The following NRXN2 variants were observed in gnomAD, a reference collection of about 807,000 sequenced individuals.
NRXN2 encodes the protein neurexin 2, also known as neurexin-2-beta.
A neutral mutation model predicts 128.8 loss-of-function variants in NRXN2; 29 were observed. That is an observed-to-expected ratio of 0.23 (90% confidence interval 0.17 to 0.31). The LOEUF (loss-of-function observed/expected upper bound fraction) is 0.31, where lower values mean the gene tolerates loss of function less well. Ranked by LOEUF, NRXN2 falls within the 10% of genes least tolerant of loss-of-function variation. The pLI, the probability that NRXN2 is intolerant of heterozygous loss-of-function variation, is 1.00. For synonymous variants in NRXN2, 1,098 were observed against 1,075.2 expected (o/e 1.02, Z -0.41); for missense variants, 1,881 against 2,452.6 (o/e 0.77, Z 4.92).
rs973760982 is a variant in NRXN2, at chr11:64,668,134, C to A, written c.1359+309G>T. Among the ~76,000 whole-genome samples, 3 of 152,298 alleles carry A rather than the reference C, an allele frequency of 2.0e-5. No homozygotes were observed. In the East Asian group the frequency reaches 5.8e-4, roughly 29 times the overall value. ...AAGTGACTTGACCACAGTCACAGAA[C>A]CAATGAGTGGAAGAGTTGGGACTCA... On this transcript the variant is annotated intron_variant, in intron 8 of 22. Transcript: ENST00000265459.
intron 17 of NRXN2, among the ~76,000 whole-genome samples, chr11:64,638,706 T>C (rs1455990735): frequency 6.6e-6 from 1 of 152,188 alleles, no homozygotes; most frequent in Non-Finnish European, 1.5e-5. Context: ...TTGACCTCTC[T>C]AGGAAACCAC....
At chr11:64,626,210 C>T (rs906707516) in intron 20 of NRXN2, among the ~76,000 whole-genome samples, 96 of 152,092 alleles carry the variant, frequency 6.3e-4, no homozygotes, top group African/African-American at 2.2e-3. Context: ...CTAGTTGATC[C>T]CAGGTTTAAA....
At position 64,667,318 on chromosome 11, in the gene NRXN2, C is replaced by G; in HGVS notation, c.1730G>C (p.Arg577Pro). 1 of 1,614,226 alleles carries G rather than the reference C, an allele frequency of 6.2e-7. No homozygotes were observed. The highest frequency in any genetic ancestry group is 2.2e-5 in the East Asian group (1 of 44,884). Residue 577 changes from arginine (R) to proline (P), a missense_variant, in exon 9 of 23, where the codon CGG (arginine) becomes CCG (proline). Arg to Pro is a moderately radical substitution (Grantham distance 103). This residue lies in a region of NRXN2 where 997 missense variants were observed against 1,240.8 expected (regional missense o/e 0.80). Transcript: ENST00000265459. The surrounding 1 kb of genome is among the most constrained non-coding windows in gnomAD (Gnocchi z 5.6). ...ATCATTGACCTTGCGGCTGGATGCC[C>G]GCAGCTTGATGCCCCCAGATCCCAT... ...LDMGSGGIKLRASSRKVNDGE... is the reference protein window; with the variant it reads ...LDMGSGGIKLPASSRKVNDGE...
At chr11:64,675,467 T>C (rs778132092) in intron 7 of NRXN2, 2 of 152,138 alleles carry the variant, frequency 1.3e-5, no homozygotes, top group African/African-American at 4.8e-5. Flanking sequence ...CAGCCAGCCA[T>C]ACAAACCTGG....
At chr11:64,609,081 G>A (rs974845201) in intron 22 of NRXN2, among the ~76,000 whole-genome samples, 5 of 151,938 alleles carry the variant, frequency 3.3e-5, no homozygotes, top group African/African-American at 1.2e-4. Context: ...ACTGGAGCAG[G>A]GTCCTGTCCC....
At chr11:64,627,099 C>G (rs1025097899) in intron 19 of NRXN2, among the ~76,000 whole-genome samples, 2 of 152,194 alleles carry the variant, frequency 1.3e-5, no homozygotes, top group Non-Finnish European at 1.5e-5. Flanking sequence ...CAGGCCACCT[C>G]AACTCCCTTT....
At chr11:64,616,440 CAT>C (rs1454998348) in intron 22 of NRXN2, among the ~76,000 whole-genome samples, 8 of 152,188 alleles carry the variant, frequency 5.3e-5, no homozygotes, top group Non-Finnish European at 1.2e-4. Context: ...TTCTGAAACA[CAT>C]GTGAGCATCT....
intron 22 of NRXN2, among the ~76,000 whole-genome samples, chr11:64,608,959 C>T (rs2040182074): frequency 6.6e-6 from 1 of 151,974 alleles, no homozygotes. Context: ...AGGGGACGGC[C>T]ACGGGAGGGG....
chr11:64,657,495 C>T (rs57633992), intron 11 of NRXN2, among the ~76,000 whole-genome samples: 2 of 150,808 alleles, frequency 1.3e-5, no homozygotes, highest in Non-Finnish European at 3.0e-5. Context: ...ATGGGTCTTG[C>T]ATCTACACAA....
chr11:64,654,253 G>A (rs567782985), intron 11 of NRXN2, among the ~76,000 whole-genome samples: 2 of 151,908 alleles, frequency 1.3e-5, no homozygotes, highest in Non-Finnish European at 2.9e-5. Context: ...CCCTTCCCGA[G>A]GCCATACACC....
rs779097433 is a variant in NRXN2, at chr11:64,661,099, G to A, written c.1839C>T (p.Ala613=). 2 of 1,613,562 alleles carry A rather than the reference G, an allele frequency of 1.2e-6. No homozygotes were observed. Among genetic ancestry groups the A allele is most frequent in the Non-Finnish European group, 8.5e-7 (1 of 1,180,026 alleles). The change falls in exon 10 of 23, where the codon GCC becomes GCT. Residue 613 remains alanine, a synonymous_variant. Coordinates refer to ENST00000265459, the MANE Select transcript of NRXN2 (RefSeq NM_015080.4). Reference sequence around the variant, plus strand: ...GGTCCAGAATCTCGCTGTCTCCAGTGGCCAAGAACGGCGTGCTGCGACTAT... The same window carrying A: ...GGTCCAGAATCTCGCTGTCTCCAGTAGCCAAGAACGGCGTGCTGCGACTAT... ...SVNSRSTPFL[A]TGDSEILDLE... is the part of the protein sequence containing the mutation.
chr11:64,671,728 G>C (rs1344291319), intron 7 of NRXN2, among the ~76,000 whole-genome samples: 1 of 152,108 alleles, frequency 6.6e-6, no homozygotes, highest in Non-Finnish European at 1.5e-5. Context: ...GGTGCAGGTA[G>C]GGAGAGCTTC....
At chr11:64,649,797 C>T (rs2047208287) in intron 15 of NRXN2, among the ~76,000 whole-genome samples, 1 of 152,118 alleles carries the variant, frequency 6.6e-6, no homozygotes, top group Non-Finnish European at 1.5e-5. Flanking sequence ...TCACATTGCC[C>T]TCAGTAGGCT....
intron 6 of NRXN2, among the ~76,000 whole-genome samples, chr11:64,677,995 C>T (rs1345754999): frequency 1.3e-5 from 2 of 152,094 alleles, no homozygotes; most frequent in South Asian, 2.1e-4. Context: ...GGAAGGGGTT[C>T]CCAAGGAGCA....
At chr11:64,617,753 G>A (rs1048355073) in intron 22 of NRXN2, among the ~76,000 whole-genome samples, 1 of 152,180 alleles carries the variant, frequency 6.6e-6, no homozygotes, top group African/African-American at 2.4e-5. Context: ...TGGGCGGCAT[G>A]GCATGGTCTA....
intron 5 of NRXN2, chr11:64,688,676 G>T (rs55908299): frequency 1.0e-6 from 1 of 985,212 alleles, no homozygotes; most frequent in African/African-American, 1.7e-5. Context: ...GAGAAAGGAA[G>T]ATAATAGCTG....
In NRXN2 at chr11:64,696,594, C is replaced by G. The variant is rs1361298857; in HGVS notation, c.748+1181G>C. 2.6e-5 allele frequency among the ~76,000 whole-genome samples: 4 copies of G among 151,560 alleles called. 1 individual carries two copies. Among genetic ancestry groups the G allele is most frequent in the Admixed American group, 2.0e-4 (3 of 15,232 alleles). On this transcript the variant is annotated intron_variant, in intron 3 of 22. Transcript: ENST00000265459. ...CTGCTGGGCCCTGGGGACCTGAGGA[C>G]CCCCAGGGAAAAGAGACATCCAAGA...
chr11:64,642,880 C>T (rs1464836128), intron 17 of NRXN2: 17 of 1,034,226 alleles, frequency 1.6e-5, no homozygotes, highest in Non-Finnish European at 6.9e-6. Flanking sequence ...CGCGAAGCCC[C>T]CCTCCGGCTC....
chr11:64,680,565 G>A (rs1256145615), intron 6 of NRXN2, among the ~76,000 whole-genome samples: 1 of 152,184 alleles, frequency 6.6e-6, no homozygotes, highest in Non-Finnish European at 1.5e-5. Context: ...GGATAACCTT[G>A]AGCAAGTTCT....
Sources: gnomAD v4.1 joint callset for allele counts (sites outside exome capture counted in the v4.1 genomes callset) on GRCh38, gnomAD v4.1.1 for gene constraint, gnomAD v4.1.1 regional missense constraint, Gnocchi (gnomAD v3.1) non-coding constraint, MANE v1.5 for transcripts, NCBI Gene and HGNC (gene_info 2026-07-23, HGNC 2026-07-21) for gene names.